ZNF197: variants seen among roughly 807,000 people sequenced by gnomAD.
ZNF197 encodes zinc finger protein 197.
Under a neutral mutation model 27.4 loss-of-function variants are expected in ZNF197, and 14 were observed. The ratio of observed to expected loss-of-function variants is 0.51; its 90% CI spans 0.34 to 0.80. The LOEUF is 0.80. Among genes scored for constraint, ZNF197 ranks in the 30% least tolerant of loss-of-function variants. The probability of loss-of-function intolerance (pLI) is 0.02; values close to 1 mark genes in which losing one functional copy is unlikely to be tolerated. For synonymous variants in ZNF197, 415 were observed against 420.0 expected (o/e 0.99, Z 0.15); for missense variants, 1,090 against 1,222.6 (o/e 0.89, Z 1.62).
chr3:44,629,958 T>TC (rs1701890626), intron 2 of ZNF197, among the ~76,000 whole-genome samples: 1 of 152,248 alleles, frequency 6.6e-6, no homozygotes, highest in South Asian at 2.1e-4. Context: ...GCACAGTGGC[T>TC]CATGCCACAG....
chr3:44,634,423 C>T (rs1315824905), intron 5 of ZNF197, among the ~76,000 whole-genome samples: 1 of 151,794 alleles, frequency 6.6e-6, no homozygotes, highest in African/African-American at 2.4e-5. Flanking sequence ...TCTTTTTCCT[C>T]ATAAAATTAT....
In ZNF197 at chr3:44,642,860, G is replaced by A. The variant is rs764494680; in HGVS notation, c.1730G>A (p.Arg577Gln). ...AAAGAATGTGGAAAAGTTTTCATTC[G>A]AAGCAAAAGCCTCCTCTTACATCAG... ...KCKECGKVFI[R>Q]SKSLLLHQRV... Residue 577 changes from arginine to glutamine, a missense_variant, in exon 6 of 6, where the codon CGA becomes CAA. Physicochemically the swap from Arg to Gln is conservative, Grantham distance 43 (BLOSUM62 1). Coordinates refer to ENST00000344387, the MANE Select transcript of ZNF197 (RefSeq NM_006991.5). 8 of 1,613,974 alleles carry A rather than the reference G, an allele frequency of 5.0e-6. No individual in the cohort carries two copies. The Admixed American group carries it at 5.0e-5, about 10-fold the overall frequency.
At chr3:44,633,767 G>T (rs893691201) in intron 5 of ZNF197, among the ~76,000 whole-genome samples, 6 of 152,030 alleles carry the variant, frequency 3.9e-5, no homozygotes, top group Admixed American at 1.3e-4. Flanking sequence ...TATGCATCGG[G>T]CATGTTTTAA....
chr3:44,629,217 T>G lies in ZNF197; in HGVS notation c.63T>G (p.Asp21Glu). 1 of 1,614,092 alleles carries G rather than the reference T, an allele frequency of 6.2e-7. No individual in the cohort carries two copies. The highest frequency in any genetic ancestry group is 8.5e-7 in the Non-Finnish European group (1 of 1,179,998). The part of the protein sequence containing the change: ...LRQEGLVKGK[D>E]DTWKWGTSFQ... ...AAGAGGGCCTTGTGAAGGGGAAGGATGATACCTGGAAATGGGGAACCAGCT... is the reference window on the plus strand; with the variant it reads ...AAGAGGGCCTTGTGAAGGGGAAGGAGGATACCTGGAAATGGGGAACCAGCT... Residue 21 changes from aspartate to glutamate, a missense_variant, in exon 2 of 6, where the codon GAT becomes GAG. Asp to Glu is a conservative substitution (Grantham distance 45, BLOSUM62 2). Transcript: ENST00000344387.
rs1702510706 is a variant in ZNF197, at chr3:44,640,050, G to T, written c.770-1850G>T. Among the ~76,000 whole-genome samples the T allele has an allele frequency of 6.6e-6, 1 of 152,168 alleles. No individual in the cohort carries two copies. On this transcript the variant is annotated intron_variant, in intron 5 of 5. Transcript: ENST00000344387. This position sits in a 1 kb window ranked among gnomAD's most constrained non-coding sequence, Gnocchi z 4.0. Reference sequence around the variant, plus strand: ...GGATTAGGGCAGATGAAAGGCGGGGGGTGTCAGTGGTAGGAAAGCCTGTGT... The same window carrying T: ...GGATTAGGGCAGATGAAAGGCGGGGTGTGTCAGTGGTAGGAAAGCCTGTGT...
intron 5 of ZNF197, among the ~76,000 whole-genome samples, chr3:44,636,230 G>T (rs922934303): frequency 6.6e-6 from 1 of 151,604 alleles, no homozygotes; most frequent in African/African-American, 2.4e-5. Context: ...GCTTGAACCC[G>T]GGAGGCAGAG....
intron 5 of ZNF197, among the ~76,000 whole-genome samples, chr3:44,637,111 G>A (rs980406253): frequency 3.3e-5 from 5 of 151,900 alleles, no homozygotes; most frequent in African/African-American, 1.2e-4. Flanking sequence ...TATAAGTCCC[G>A]TAACAGATAT....
rs1440584170 is a variant in ZNF197 at position 44,645,085 on chromosome 3, C to G, written c.*865C>G. 1.9e-5 allele frequency: 19 copies of G among 983,138 alleles called. No homozygotes were observed. The highest frequency in any genetic ancestry group is 2.3e-5 in the Non-Finnish European group (19 of 828,032). The allele number at this position is 983,138 out of a possible 1,614,324, so 60.9% of individuals were successfully genotyped here. A position where few individuals can be genotyped will look rare whatever the true frequency, so the allele number is the denominator to read the frequency against. On this transcript the variant is annotated 3_prime_UTR_variant, in exon 6 of 6. Coordinates refer to ENST00000344387, the MANE Select transcript of ZNF197 (RefSeq NM_006991.5). ...GGAATCAGAAGACCTACCTTTGATT[C>G]CTGGCTTTCCCTTAATGGCCATGTG...
Position 44,631,029 on chromosome 3 carries a change from CAAG to C in ZNF197, c.391-28_391-26del, listed in dbSNP as rs1035555898. The C allele has an allele frequency of 1.9e-6, 3 of 1,613,176 alleles. No individual in the cohort carries two copies. The African/African-American group carries it at 4.0e-5, about 22-fold the overall frequency. On this transcript the variant is annotated intron_variant, in intron 2 of 5. Transcript: ENST00000344387. ...TAGGTGAGTCCATTTTCTTAAGAAACAAGAAGAGCTAGCTTATTTTACTTGTTT... is the reference window on the plus strand; with the variant it reads ...TAGGTGAGTCCATTTTCTTAAGAAACAAGAGCTAGCTTATTTTACTTGTTT...
chr3:44,630,735 A>G lies in ZNF197; in HGVS notation c.391-327A>G, dbSNP rs1384482225. ...AAGAGATGTGACTGAAGTCCGATCT[A>G]AAACTTAAGTCTGAAGCTAAAATCC... On this transcript the variant is annotated intron_variant, in intron 2 of 5. Transcript: ENST00000344387. The G allele has an allele frequency of 6.8e-6, 3 of 443,444 alleles. No individual in the cohort carries two copies. In the East Asian group the frequency reaches 1.8e-4, roughly 27 times the overall value. The allele number at this position is 443,444 out of a possible 1,614,324, so 27.5% of individuals were successfully genotyped here. A position where few individuals can be genotyped will look rare whatever the true frequency, so the allele number is the denominator to read the frequency against.
rs1452067723 is a variant in ZNF197, at chr3:44,647,627, T to C, written c.*3407T>C. On this transcript the variant is annotated 3_prime_UTR_variant, in exon 6 of 6. Coordinates refer to ENST00000344387, the MANE Select transcript of ZNF197 (RefSeq NM_006991.5). ...GAATACTTGTTACTCTGCAATAAAA[T>C]TGACTTATTGATATCCATAACAACT... 1 of 152,214 alleles carries C rather than the reference T, an allele frequency of 6.6e-6. No homozygotes were observed. The highest frequency in any genetic ancestry group is 1.9e-4 in the East Asian group (1 of 5,200). 9.4% of individuals were successfully genotyped at this position (152,214 alleles called of 1,614,324 possible). A position where few individuals can be genotyped will look rare whatever the true frequency, so the allele number is the denominator to read the frequency against.
chr3:44,632,421 C>G, intron 4 of ZNF197, 52 bp from the exon 5 acceptor site: 1 of 1,545,446 alleles, frequency 6.5e-7, no homozygotes, highest in Non-Finnish European at 8.7e-7. Flanking sequence ...GGGAACCTTT[C>G]GACAGGCAAG....
Position 44,640,173 on chromosome 3 carries a change from G to T in ZNF197, c.770-1727G>T, listed in dbSNP as rs1702516329. ...CTACAAAGTCTTAAAAAGCTCAAGA[G>T]GCCCATATATAGTCTGATTCCTAAG... On this transcript the variant is annotated intron_variant, in intron 5 of 5. Coordinates refer to ENST00000344387, the MANE Select transcript of ZNF197 (RefSeq NM_006991.5). This position sits in a 1 kb window ranked among gnomAD's most constrained non-coding sequence, Gnocchi z 4.0. 6.6e-6 allele frequency among the ~76,000 whole-genome samples: 1 copy of T among 152,126 alleles called. No homozygotes were observed.
intron 5 of ZNF197, among the ~76,000 whole-genome samples, chr3:44,633,434 G>A (rs537820461): frequency 7.4e-4 from 113 of 152,280 alleles, no homozygotes; most frequent in African/African-American, 2.3e-3. Context: ...TACAAGAGTG[G>A]CATAAACCTG....
At chr3:44,638,403 G>A (rs1318326116) in intron 5 of ZNF197, among the ~76,000 whole-genome samples, 5 of 151,840 alleles carry the variant, frequency 3.3e-5, no homozygotes, top group Non-Finnish European at 5.9e-5. Flanking sequence ...ACTATGTCAG[G>A]CTGATTTTTA....
intron 5 of ZNF197, among the ~76,000 whole-genome samples, chr3:44,637,795 T>G (rs987529209): frequency 1.3e-5 from 2 of 152,210 alleles, no homozygotes; most frequent in African/African-American, 2.4e-5. Context: ...ATTTCTAAAG[T>G]CTCAAATCTA....
chr3:44,645,498 T>C lies in ZNF197; in HGVS notation c.*1278T>C, dbSNP rs1222873513. 3 of 985,430 alleles carry C rather than the reference T, an allele frequency of 3.0e-6. No homozygotes were observed. Among genetic ancestry groups the C allele is most frequent in the East Asian group, 1.1e-4 (1 of 8,818 alleles). The allele number at this position is 985,430 out of a possible 1,614,324, so 61.0% of individuals were successfully genotyped here. A position where few individuals can be genotyped will look rare whatever the true frequency, so the allele number is the denominator to read the frequency against. ...TTTATGTATATGGAAAAAAATGTTATGGCCAGCCATTAACAGTGATGCCAA... is the reference window on the plus strand; with the variant it reads ...TTTATGTATATGGAAAAAAATGTTACGGCCAGCCATTAACAGTGATGCCAA... On this transcript the variant is annotated 3_prime_UTR_variant, in exon 6 of 6. Transcript: ENST00000344387.
chr3:44,643,593 T>C lies in ZNF197; in HGVS notation c.2463T>C (p.Asn821=). The C allele has an allele frequency of 6.2e-7, 1 of 1,614,134 alleles. No individual in the cohort carries two copies. Among genetic ancestry groups the C allele is most frequent in the South Asian group, 1.1e-5 (1 of 91,082 alleles). The change falls in exon 6 of 6, where the codon AAT becomes AAC. Residue 821 remains asparagine, a synonymous_variant. Transcript: ENST00000344387. ...CGAGGGAAAAATCTTATAAATGCAA[T>C]GACTGTGGGAAGGTCTTCAGTTACC... ...IHTREKSYKC[N]DCGKVFSYRS... is the part of the protein sequence containing the mutation.
At chr3:44,634,342 A>T (rs1014365238) in intron 5 of ZNF197, among the ~76,000 whole-genome samples, 2 of 151,646 alleles carry the variant, frequency 1.3e-5, no homozygotes, top group Non-Finnish European at 2.9e-5. Flanking sequence ...AATATTATTA[A>T]TTTTTTTTAA....
Sources: gnomAD v4.1 joint callset for allele counts (sites outside exome capture counted in the v4.1 genomes callset) on GRCh38, gnomAD v4.1.1 for gene constraint, Gnocchi (gnomAD v3.1) non-coding constraint, MANE v1.5 for transcripts, NCBI Gene and HGNC (gene_info 2026-07-23, HGNC 2026-07-21) for gene names.